The following NIPBL variants were observed in gnomAD, a reference collection of about 807,000 sequenced individuals.
NIPBL encodes the protein nipped-B-like protein.
NIPBL carries 19 observed loss-of-function variants against 321.8 expected under a neutral mutation model. The ratio of observed to expected loss-of-function variants is 0.06; its 90% CI spans 0.04 to 0.09. NIPBL has a LOEUF of 0.09. NIPBL is among the 10% of genes least tolerant of loss of function. The probability of loss-of-function intolerance (pLI) is 1.00; values close to 1 mark genes in which losing one functional copy is unlikely to be tolerated. For missense variants in NIPBL, 2,210 were observed against 3,327.0 expected (o/e 0.66, Z 8.26); for synonymous variants, 1,106 against 1,114.1 (o/e 0.99, Z 0.14).
At chr5:37,057,777 G>A (rs1164112946) in intron 43 of NIPBL, among the ~76,000 whole-genome samples, 1 of 152,132 alleles carries the variant, frequency 6.6e-6, no homozygotes, top group African/African-American at 2.4e-5. Context: ...CCGTTATAGA[G>A]TTTGCATATG....
At chr5:37,007,092 A>G (rs1439719832) in intron 17 of NIPBL, among the ~76,000 whole-genome samples, 1 of 151,970 alleles carries the variant, frequency 6.6e-6, no homozygotes, top group South Asian at 2.1e-4. Context: ...AGATAAAATA[A>G]TATTTTAGAT....
intron 1 of NIPBL, among the ~76,000 whole-genome samples, chr5:36,896,443 T>C (rs181223437): frequency 2.0e-5 from 3 of 152,332 alleles, no homozygotes; most frequent in East Asian, 1.9e-4. Context: ...AGGATGTTTG[T>C]CATTTTCTGC....
At chr5:36,930,543 T>A (rs556040290) in intron 1 of NIPBL, among the ~76,000 whole-genome samples, 76 of 152,236 alleles carry the variant, frequency 5.0e-4, no homozygotes, top group African/African-American at 1.8e-3. Flanking sequence ...AATATCTTTT[T>A]AAGTTTTTTT....
chr5:36,878,532 A>G (rs1409179353), intron 1 of NIPBL, among the ~76,000 whole-genome samples: 2 of 152,206 alleles, frequency 1.3e-5, no homozygotes, highest in Non-Finnish European at 2.9e-5. Flanking sequence ...GAAAACTTTC[A>G]TTGGTTAAAA....
At chr5:36,939,718 C>T (rs1443258174) in intron 1 of NIPBL, among the ~76,000 whole-genome samples, 1 of 152,174 alleles carries the variant, frequency 6.6e-6, no homozygotes, top group Non-Finnish European at 1.5e-5. Context: ...CGAGGACCTT[C>T]TTGCTGTGTC....
intron 1 of NIPBL, among the ~76,000 whole-genome samples, chr5:36,938,945 A>C (rs1738764138): frequency 6.6e-6 from 1 of 152,128 alleles, no homozygotes; most frequent in African/African-American, 2.4e-5. Flanking sequence ...CACTCAACTT[A>C]CTATTCTATC....
At chr5:36,883,757 T>C (rs1745674834) in intron 1 of NIPBL, among the ~76,000 whole-genome samples, 2 of 151,966 alleles carry the variant, frequency 1.3e-5, no homozygotes, top group South Asian at 4.1e-4. Context: ...TGAATCAGAT[T>C]GTGGGTTGCC....
intron 21 of NIPBL, among the ~76,000 whole-genome samples, chr5:37,012,481 T>TTA (rs1554022914): frequency 2.8e-5 from 4 of 145,310 alleles, no homozygotes; most frequent in African/African-American, 7.7e-5. Context: ...TTTTTTTTTT[T>TTA]ATTCATTCTT....
At chr5:37,061,902 C>T (rs1161090301) in intron 45 of NIPBL, among the ~76,000 whole-genome samples, 2 of 152,102 alleles carry the variant, frequency 1.3e-5, no homozygotes, top group Admixed American at 6.5e-5. Context: ...AGTGCAATGG[C>T]GCGATCTCGG....
intron 34 of NIPBL, 133 bp from the exon 35 acceptor site, chr5:37,044,214 C>A (rs569159271): frequency 1.1e-5 from 8 of 734,470 alleles, no homozygotes; most frequent in Non-Finnish European, 1.7e-5. Context: ...GAAAAAAAAA[C>A]TCTAACAGAC....
intron 45 of NIPBL, among the ~76,000 whole-genome samples, chr5:37,063,488 A>G (rs539598160): frequency 6.6e-6 from 1 of 152,346 alleles, no homozygotes; most frequent in Non-Finnish European, 1.5e-5. Flanking sequence ...TATCTAACCC[A>G]TTGCCTGTTT....
intron 11 of NIPBL, 92 bp downstream of exon 11, chr5:36,995,896 C>A: frequency 1.8e-6 from 2 of 1,104,408 alleles, no homozygotes; most frequent in African/African-American, 1.6e-5. Flanking sequence ...TTAGCAAAAG[C>A]ACAGTCACCT....
At chr5:37,014,621 A>G (rs1331044940) in intron 21 of NIPBL, 62 bp from the exon 22 acceptor site, 12 of 975,606 alleles carry the variant, frequency 1.2e-5, no homozygotes, top group African/African-American at 3.2e-5. Context: ...TAACATGACA[A>G]TAGCAACAGG....
At chr5:37,001,618 G>C (rs1746814470) in intron 14 of NIPBL, among the ~76,000 whole-genome samples, 1 of 152,044 alleles carries the variant, frequency 6.6e-6, no homozygotes. Flanking sequence ...AATACTTACT[G>C]TATGCCAGTA....
In NIPBL at chr5:36,975,139, G is replaced by T. The variant is rs138415209; in HGVS notation, c.869-637G>T. Among the ~76,000 whole-genome samples, 526 of 152,108 alleles carry T rather than the reference G, an allele frequency of 3.5e-3. 3 individuals are homozygous for T. The highest frequency in any genetic ancestry group is 0.012 in the African/African-American group (496 of 41,534). ...TTATTTATTTTTCTAATAAAAAGAGGATTAGCAAGCTGAAGAGAGTATGTG... is the reference window on the plus strand; with the variant it reads ...TTATTTATTTTTCTAATAAAAAGAGTATTAGCAAGCTGAAGAGAGTATGTG... On this transcript the variant is annotated intron_variant, in intron 8 of 46. Coordinates refer to ENST00000282516, the MANE Select transcript of NIPBL (RefSeq NM_133433.4).
chr5:37,049,016 G>A (rs113053530), intron 39 of NIPBL, 95 bp from the exon 40 acceptor site: 32 of 1,226,668 alleles, frequency 2.6e-5, no homozygotes, highest in African/African-American at 1.9e-4. Flanking sequence ...TAGCTGTAAC[G>A]TTTTGTGATT....
At chr5:36,916,055 T>C (rs1213828220) in intron 1 of NIPBL, among the ~76,000 whole-genome samples, 1 of 152,218 alleles carries the variant, frequency 6.6e-6, no homozygotes, top group Admixed American at 6.5e-5. Flanking sequence ...TGAACTGTCT[T>C]TGTCATTTCA....
chr5:36,984,773 G>A lies in NIPBL; in HGVS notation c.1593G>A (p.Thr531=), dbSNP rs760769176. 6.8e-6 allele frequency: 11 copies of A among 1,613,680 alleles called. No homozygotes were observed. The highest frequency in any genetic ancestry group is 1.3e-5 in the African/African-American group (1 of 74,874). Residue 531 remains threonine (T), a synonymous_variant, in exon 10 of 47, where the codon ACG becomes ACA. Transcript: ENST00000282516. The stretch of plus-strand genomic sequence containing the variant: ...CAGCTTCTCAGGAGACGGGTTCTAC[G>A]GGAAATGGGTCAAGGCCAGCATTAA... ...NRPASQETGS[T]GNGSRPALMV...
At chr5:37,011,152 A>G (rs562930917) in intron 21 of NIPBL, among the ~76,000 whole-genome samples, 192 of 152,356 alleles carry the variant, frequency 1.3e-3, no homozygotes, top group Non-Finnish European at 2.0e-3. Context: ...TTCCAAGTGT[A>G]TACTTTTATC....
Sources: gnomAD v4.1 joint callset for allele counts (sites outside exome capture counted in the v4.1 genomes callset) on GRCh38, gnomAD v4.1.1 for gene constraint, MANE v1.5 for transcripts, NCBI Gene and HGNC (gene_info 2026-07-23, HGNC 2026-07-21) for gene names.